Variants in FBXL20 observed in about 807,000 individuals in gnomAD.
The protein encoded by FBXL20 is F-box and leucine rich repeat protein 20.
Under a neutral mutation model 64.0 loss-of-function variants are expected in FBXL20, and 11 were observed. That is an observed-to-expected ratio of 0.17 (90% CI 0.11 to 0.28). The LOEUF is 0.28. Ranked by LOEUF, FBXL20 falls within the 10% of genes least tolerant of loss-of-function variation. The pLI is 1.00. For synonymous variants in FBXL20, 184 were observed against 189.0 expected (o/e 0.97, Z 0.22); for missense variants, 303 against 526.2 (o/e 0.58, Z 4.15).
At chr17:39,310,993 A>T (rs1337827770) in intron 2 of FBXL20, among the ~76,000 whole-genome samples, 1 of 146,632 alleles carries the variant, frequency 6.8e-6, no homozygotes, top group Non-Finnish European at 1.5e-5. Context: ...CTCAAAAATT[A>T]AAAAAAAAAC....
At position 39,259,204 on chromosome 17, in the gene FBXL20, C is replaced by T. The variant is rs1272031896; in HGVS notation, c.*2256G>A. The stretch of plus-strand genomic sequence containing the variant: ...TTAAGCTGGGTACAGTGGCACACAC[C>T]TGTAGTCCCAGCTACTTGGGAGGCT... On this transcript the variant is annotated 3_prime_UTR_variant, in exon 15 of 15. Transcript: ENST00000264658. 4 of 152,134 alleles carry T rather than the reference C, an allele frequency of 2.6e-5. No homozygotes were observed. The highest frequency in any genetic ancestry group is 5.9e-5 in the Non-Finnish European group (4 of 68,070). The allele number at this position is 152,134 out of a possible 1,614,324, so 9.4% of individuals were successfully genotyped here. A position where few individuals can be genotyped will look rare whatever the true frequency, so the allele number is the denominator to read the frequency against.
At chr17:39,382,287 C>CA (rs915431535) in intron 1 of FBXL20, among the ~76,000 whole-genome samples, 19 of 151,326 alleles carry the variant, frequency 1.3e-4, no homozygotes, top group South Asian at 8.3e-4. Context: ...ACTAAAAATA[C>CA]AAAAAATTAG....
At chr17:39,264,122 GAGA>G (rs1171594648) in intron 14 of FBXL20, 50 bp downstream of exon 14, 1 of 1,539,020 alleles carries the variant, frequency 6.5e-7, no homozygotes, top group South Asian at 1.2e-5. Flanking sequence ...AAAAAAAAGA[GAGA>G]AGAAAGTGCT....
chr17:39,389,104 CAAAAAAAAAAA>C (rs752930971), intron 1 of FBXL20, among the ~76,000 whole-genome samples: 5 of 52,696 alleles, frequency 9.5e-5, no homozygotes, highest in African/African-American at 1.3e-4. Context: ...AACTCCATCT[CAAAAAAAAAAA>C]AAAAAAAAAA....
intron 6 of FBXL20, among the ~76,000 whole-genome samples, chr17:39,289,335 A>C (rs2047016894): frequency 6.6e-6 from 1 of 152,234 alleles, no homozygotes; most frequent in African/African-American, 2.4e-5. Context: ...TCTGTAGAAC[A>C]ATTTAAGGAA....
intron 1 of FBXL20, among the ~76,000 whole-genome samples, chr17:39,370,922 TAA>T (rs1285211467): frequency 2.0e-5 from 3 of 151,880 alleles, no homozygotes; most frequent in African/African-American, 7.3e-5. Context: ...AACAGCTGTA[TAA>T]AGAGTTTTGT....
intron 1 of FBXL20, among the ~76,000 whole-genome samples, chr17:39,388,898 T>G (rs1310915840): frequency 6.7e-6 from 1 of 149,926 alleles, no homozygotes; most frequent in Non-Finnish European, 1.5e-5. Context: ...GGTCAGGAGT[T>G]CGAGACCAGC....
intron 14 of FBXL20, 27 bp downstream of exon 14, chr17:39,264,148 G>A: frequency 1.2e-6 from 2 of 1,607,048 alleles, no homozygotes; most frequent in Non-Finnish European, 1.7e-6. Context: ...TAACACTAGA[G>A]TTGGAGAGTT....
At chr17:39,331,194 G>C (rs965726649) in intron 2 of FBXL20, among the ~76,000 whole-genome samples, 4 of 152,160 alleles carry the variant, frequency 2.6e-5, no homozygotes, top group African/African-American at 9.7e-5. Flanking sequence ...TCCACCTCCG[G>C]GGTTCAAGCG....
At chr17:39,379,352 C>T (rs1342636246) in intron 1 of FBXL20, among the ~76,000 whole-genome samples, 3 of 151,880 alleles carry the variant, frequency 2.0e-5, no homozygotes, top group Non-Finnish European at 4.4e-5. Context: ...GTGGGAAACA[C>T]TTTGGTGATT....
chr17:39,312,730 C>A (rs71369742), intron 2 of FBXL20, among the ~76,000 whole-genome samples: 1 of 137,138 alleles, frequency 7.3e-6, no homozygotes, highest in Admixed American at 7.6e-5. Flanking sequence ...CCTGCCACCA[C>A]GCCTGGCTAA....
At chr17:39,318,616 T>G (rs147253774) in intron 2 of FBXL20, among the ~76,000 whole-genome samples, 1 of 152,232 alleles carries the variant, frequency 6.6e-6, no homozygotes, top group Non-Finnish European at 1.5e-5. Context: ...GGCGCATGCC[T>G]GTAATCCTAG....
chr17:39,295,538 A>G (rs1298673818), intron 6 of FBXL20, among the ~76,000 whole-genome samples: 1 of 152,090 alleles, frequency 6.6e-6, no homozygotes, highest in African/African-American at 2.4e-5. Context: ...TATAGACCTG[A>G]GTCACCGCAC....
intron 2 of FBXL20, among the ~76,000 whole-genome samples, chr17:39,333,796 G>A (rs995733564): frequency 2.0e-5 from 3 of 148,610 alleles, no homozygotes; most frequent in Admixed American, 6.7e-5. Context: ...GCCCGGCCGC[G>A]ACCCCGTCTG....
chr17:39,329,251 T>C (rs1422250140), intron 2 of FBXL20, among the ~76,000 whole-genome samples: 1 of 152,194 alleles, frequency 6.6e-6, no homozygotes, highest in Admixed American at 6.5e-5. Context: ...ACTACTTCTA[T>C]GATATTCTAA....
chr17:39,348,467 GA>G (rs57596962), intron 1 of FBXL20, among the ~76,000 whole-genome samples: 3 of 148,314 alleles, frequency 2.0e-5, no homozygotes, highest in Non-Finnish European at 4.5e-5. Context: ...TCAAAAAAAA[GA>G]AAAAAAAAAG....
intron 1 of FBXL20, among the ~76,000 whole-genome samples, chr17:39,369,651 A>C (rs996950697): frequency 6.6e-5 from 10 of 151,200 alleles, no homozygotes; most frequent in African/African-American, 2.4e-4. Context: ...GTGCCCAGCT[A>C]TGTGTTTATT....
intron 2 of FBXL20, among the ~76,000 whole-genome samples, chr17:39,326,326 C>G (rs1419450916): frequency 6.6e-6 from 1 of 152,028 alleles, no homozygotes; most frequent in Non-Finnish European, 1.5e-5. Flanking sequence ...AAACTATATT[C>G]TAAATGAATA....
At chr17:39,357,275 CAAAAAAAAA>C (rs34332873) in intron 1 of FBXL20, among the ~76,000 whole-genome samples, 74 of 93,150 alleles carry the variant, frequency 7.9e-4, no homozygotes, top group African/African-American at 2.5e-3. Flanking sequence ...AACTCTGTCT[CAAAAAAAAA>C]AAAAAAAAAG....
Sources: gnomAD v4.1 joint callset for allele counts (sites outside exome capture counted in the v4.1 genomes callset) on GRCh38, gnomAD v4.1.1 for gene constraint, MANE v1.5 for transcripts, NCBI Gene and HGNC (gene_info 2026-07-23, HGNC 2026-07-21) for gene names.